The following AIMP1 variants were observed in gnomAD, a reference collection of about 807,000 sequenced individuals.
The protein encoded by AIMP1 is aminoacyl tRNA synthase complex-interacting multifunctional protein 1.
In AIMP1, 24 loss-of-function variants were observed where a neutral mutation model predicts 33.1. That is an observed-to-expected ratio of 0.73 (90% confidence interval 0.53 to 1.02). AIMP1 has a LOEUF of 1.02. Among genes scored for constraint, AIMP1 ranks in the 50% least tolerant of loss-of-function variants. AIMP1 has a pLI of 0.00. For synonymous variants in AIMP1, 120 were observed against 121.5 expected (o/e 0.99, Z 0.08); for missense variants, 367 against 364.8 (o/e 1.01, Z -0.05).
At chr4:106,346,438 G>A (rs1371656141) in intron 6 of AIMP1, among the ~76,000 whole-genome samples, 4 of 152,148 alleles carry the variant, frequency 2.6e-5, no homozygotes, top group African/African-American at 9.7e-5. Context: ...TGAGCAACTT[G>A]TGTTTTCTCA....
At chr4:106,326,064 A>C (rs574243502) in intron 2 of AIMP1, among the ~76,000 whole-genome samples, 3 of 152,130 alleles carry the variant, frequency 2.0e-5, no homozygotes, top group Non-Finnish European at 2.9e-5. Flanking sequence ...GCCTTTGTGT[A>C]GGTGTCTCAG....
chr4:106,332,001 C>A, intron 5 of AIMP1, 118 bp downstream of exon 5: 1 of 989,064 alleles, frequency 1.0e-6, no homozygotes, highest in Non-Finnish European at 1.6e-6. Flanking sequence ...TTAATTAGTT[C>A]AGTCGATTAG....
chr4:106,330,813 GGTAAATAAGGTTTTATTTT>G (rs1163753137), intron 4 of AIMP1, among the ~76,000 whole-genome samples: 1 of 152,050 alleles, frequency 6.6e-6, no homozygotes, highest in Non-Finnish European at 1.5e-5. Flanking sequence ...TGGATTCAAA[GGTAAATAAGGTTTTATTTT>G]GATTTTACTT....
At position 106,331,896 on chromosome 4, in the gene AIMP1, A is replaced by G. The variant is rs199786321; in HGVS notation, c.603+13A>G. The G allele has an allele frequency of 1.7e-5, 28 of 1,610,898 alleles. No homozygotes were observed. The highest frequency in any genetic ancestry group is 3.3e-4 in the Middle Eastern group (2 of 6,004). On this transcript the variant is annotated intron_variant, in intron 5 of 6. Coordinates refer to ENST00000672341, the MANE Select transcript of AIMP1 (RefSeq NM_001142416.2). ...TCCTCTTGAACAGGTAATCTGTACAACTGAAATTCCTGTTGTGTACATACA... is the reference window on the plus strand; with the variant it reads ...TCCTCTTGAACAGGTAATCTGTACAGCTGAAATTCCTGTTGTGTACATACA...
At chr4:106,324,206 C>A (rs993659590) in intron 1 of AIMP1, among the ~76,000 whole-genome samples, 1 of 151,832 alleles carries the variant, frequency 6.6e-6, no homozygotes, top group Non-Finnish European at 1.5e-5. Context: ...CATTGTTATA[C>A]CTTGAATTAT....
intron 1 of AIMP1, 108 bp downstream of exon 1, chr4:106,316,702 A>G (rs1768925509): frequency 2.7e-6 from 3 of 1,096,728 alleles, no homozygotes; most frequent in Admixed American, 4.4e-5. Flanking sequence ...CTGCGCTGCT[A>G]ATGGGTAGTC....
chr4:106,336,145 A>G (rs1274286389), intron 5 of AIMP1, among the ~76,000 whole-genome samples: 1 of 135,496 alleles, frequency 7.4e-6, no homozygotes, highest in African/African-American at 2.8e-5. Flanking sequence ...CGATCCTTCC[A>G]CCTCAGCCTC....
chr4:106,316,877 A>G, intron 1 of AIMP1: 1 of 400,646 alleles, frequency 2.5e-6, no homozygotes, highest in Non-Finnish European at 4.5e-6. Flanking sequence ...TGTGTGTCAA[A>G]GGACTTAGGT....
At chr4:106,338,682 C>A (rs756580984) in intron 6 of AIMP1, among the ~76,000 whole-genome samples, 1 of 152,174 alleles carries the variant, frequency 6.6e-6, no homozygotes, top group African/African-American at 2.4e-5. Context: ...GGGATGGGAC[C>A]CCCCCACACA....
chr4:106,341,789 C>T (rs144315901), intron 6 of AIMP1, among the ~76,000 whole-genome samples: 5 of 152,088 alleles, frequency 3.3e-5, no homozygotes, highest in Non-Finnish European at 4.4e-5. Context: ...CCTCATTCCA[C>T]GCAAATTTTA....
upstream of AIMP1, chr4:106,316,236 T>C (rs1768847228): frequency 3.5e-6 from 1 of 284,556 alleles, no homozygotes; most frequent in Middle Eastern, 9.9e-4. Context: ...GGCCTTTTCT[T>C]CCGCCCTCAC....
chr4:106,328,259 A>G lies in AIMP1; in HGVS notation c.391+16A>G. 1 of 1,587,220 alleles carries G rather than the reference A, an allele frequency of 6.3e-7. No homozygotes were observed. Among genetic ancestry groups the G allele is most frequent in the Non-Finnish European group, 8.6e-7 (1 of 1,164,696 alleles). On this transcript the variant is annotated intron_variant, in intron 4 of 6. Coordinates refer to ENST00000672341, the MANE Select transcript of AIMP1 (RefSeq NM_001142416.2). ...GAAAAGAAAGGTATTTTTGACCTTT[A>G]AGCATATTTAGCTCTTGACTGGATT...
At chr4:106,346,743 T>C (rs889459043) in intron 6 of AIMP1, among the ~76,000 whole-genome samples, 2 of 152,208 alleles carry the variant, frequency 1.3e-5, no homozygotes, top group African/African-American at 2.4e-5. Flanking sequence ...AAGCTGCTTC[T>C]GCCAGTTGTA....
intron 6 of AIMP1, among the ~76,000 whole-genome samples, chr4:106,344,240 C>T (rs1023816990): frequency 6.6e-6 from 1 of 152,046 alleles, no homozygotes. Context: ...ATGCTTATTC[C>T]TTTGGCAATT....
chr4:106,345,656 ACT>A (rs1770268365), intron 6 of AIMP1, among the ~76,000 whole-genome samples: 1 of 151,632 alleles, frequency 6.6e-6, no homozygotes, highest in Non-Finnish European at 1.5e-5. Flanking sequence ...TCAATTAACT[ACT>A]CTGTTATCTC....
rs547790265 is a variant in AIMP1, at chr4:106,336,647, C to G, written c.604-222C>G. Among the ~76,000 whole-genome samples the G allele has an allele frequency of 2.5e-3, 384 of 152,264 alleles. 2 individuals carry two copies. The highest frequency in any genetic ancestry group is 8.7e-3 in the African/African-American group (363 of 41,542). On this transcript the variant is annotated intron_variant, in intron 5 of 6. Coordinates refer to ENST00000672341, the MANE Select transcript of AIMP1 (RefSeq NM_001142416.2). ...TAAATTTTTAACTGAAATTCCTCTG[C>G]TCTTTCAACCATAATGCGTTATCAA...
At chr4:106,330,670 T>G (rs1325001904) in intron 4 of AIMP1, among the ~76,000 whole-genome samples, 3 of 152,230 alleles carry the variant, frequency 2.0e-5, no homozygotes, top group Non-Finnish European at 4.4e-5. Flanking sequence ...TAAAAGAGAT[T>G]TTGAGTGCCT....
chr4:106,325,149 A>C (rs756469908), intron 2 of AIMP1, 31 bp downstream of exon 2: 11 of 1,563,950 alleles, frequency 7.0e-6, no homozygotes, highest in Non-Finnish European at 8.8e-6. Context: ...TTGAGGAGAT[A>C]CTTAAAATGA....
upstream of AIMP1, chr4:106,316,546 A>G (rs1768903449): frequency 2.6e-6 from 4 of 1,551,562 alleles, no homozygotes; most frequent in South Asian, 1.2e-5. Context: ...GGCTGGACCT[A>G]CATGCTTCCT....
Sources: allele counts gnomAD v4.1 joint callset (sites outside exome capture counted in the v4.1 genomes callset), GRCh38; gene constraint gnomAD v4.1.1; transcripts MANE v1.5; gene names NCBI Gene and HGNC (gene_info 2026-07-23, HGNC 2026-07-21).